Variants in PSMF1 observed in about 807,000 individuals in gnomAD.
PSMF1 encodes proteasome inhibitor subunit 1.
PSMF1 carries 30 observed loss-of-function variants against 29.3 expected under a neutral mutation model. That is an observed-to-expected ratio of 1.02 (90% CI 0.77 to 1.39). The LOEUF is 1.39. PSMF1 is among the 40% of genes most tolerant of loss of function. PSMF1 has a pLI of 0.00. For missense variants in PSMF1, 344 were observed against 357.5 expected (o/e 0.96, Z 0.31); for synonymous variants, 134 against 139.7 (o/e 0.96, Z 0.29).
Position 1,118,861 on chromosome 20 carries a change from G to A in PSMF1, c.88G>A (p.Val30Met), listed in dbSNP as rs1370856273. Reference protein sequence around the residue: ...DALVCFLHWEVVTHGYFGLGV... With the variant: ...DALVCFLHWEMVTHGYFGLGV... ...GCTCGTCTGCTTCTTGCATTGGGAA[G>A]TGGTGACACACGGTTACTTCGGCTT... The change falls in exon 1 of 7, where the codon GTG (valine) becomes ATG (methionine). Residue 30 changes from valine to methionine, a missense_variant. By Grantham distance (21) the Val-to-Met change is conservative (BLOSUM62 1). Transcript: ENST00000335877. 1.2e-6 allele frequency: 2 copies of A among 1,614,116 alleles called. No individual in the cohort carries two copies.
intron 4 of PSMF1, among the ~76,000 whole-genome samples, chr20:1,153,471 A>T (rs539054269): frequency 1.3e-5 from 2 of 152,134 alleles, no homozygotes; most frequent in South Asian, 2.1e-4. Flanking sequence ...CTTCCTCCAC[A>T]ATCCATGTTC....
In PSMF1 at chr20:1,169,762, A is replaced by G. The variant is rs2086771260; in HGVS notation, c.*4682A>G. Among the ~76,000 whole-genome samples, 1 of 152,210 alleles carries G rather than the reference A, an allele frequency of 6.6e-6. No individual in the cohort carries two copies. The highest frequency in any genetic ancestry group is 6.5e-5 in the Admixed American group (1 of 15,286). Reference sequence around the variant, plus strand: ...CTAGCTCATCCAAGTTCAAGGCTCAATTGAATGCGTCTGGTTGTTGGAACC... The same window carrying G: ...CTAGCTCATCCAAGTTCAAGGCTCAGTTGAATGCGTCTGGTTGTTGGAACC... On this transcript the variant is annotated 3_prime_UTR_variant, in exon 7 of 7. Coordinates refer to ENST00000335877, the MANE Select transcript of PSMF1 (RefSeq NM_006814.5).
At chr20:1,121,668 G>A (rs568829797) in intron 1 of PSMF1, among the ~76,000 whole-genome samples, 1 of 152,176 alleles carries the variant, frequency 6.6e-6, no homozygotes, top group African/African-American at 2.4e-5. Flanking sequence ...TCCCAAGAGT[G>A]TATGCTTGAC....
chr20:1,154,917 G>A (rs1369449496), intron 4 of PSMF1, among the ~76,000 whole-genome samples: 1 of 152,218 alleles, frequency 6.6e-6, no homozygotes. Flanking sequence ...TTAGCAGCTG[G>A]GAAGGCAGCC....
intron 3 of PSMF1, among the ~76,000 whole-genome samples, chr20:1,133,569 A>ATATATATATATATTT: frequency 1.9e-4 from 10 of 53,304 alleles, no homozygotes; most frequent in Non-Finnish European, 3.2e-4. Context: ...ATATATATAT[A>ATATATATATATATTT]TTTTTTTTTT....
rs2086219687 is a variant in PSMF1, at chr20:1,130,855, G to A, written c.365+3347G>A. Among the ~76,000 whole-genome samples the A allele has an allele frequency of 2.0e-5, 3 of 152,252 alleles. No homozygotes were observed. The South Asian group carries it at 6.2e-4, about 32-fold the overall frequency. On this transcript the variant is annotated intron_variant, in intron 3 of 6. Transcript: ENST00000335877. ...ATGAGGTCTTTGCTGTGTTGCCCTG[G>A]ATCAAAACATCATTTTTTAAGCATT...
chr20:1,135,489 T>C (rs536285431), intron 4 of PSMF1, among the ~76,000 whole-genome samples, 183 bp downstream of exon 4: 6 of 152,334 alleles, frequency 3.9e-5, no homozygotes, highest in Non-Finnish European at 8.8e-5. Context: ...CTTGAACTGC[T>C]ACTAGTCACC....
chr20:1,133,138 A>G (rs1600148686), intron 3 of PSMF1, among the ~76,000 whole-genome samples: 1 of 151,378 alleles, frequency 6.6e-6, no homozygotes, highest in Middle Eastern at 3.5e-3. Flanking sequence ...GAGTGATGAG[A>G]AAGAATATGC....
intron 4 of PSMF1, among the ~76,000 whole-genome samples, chr20:1,158,235 T>C (rs1204241073): frequency 4.6e-5 from 7 of 152,104 alleles, no homozygotes; most frequent in Admixed American, 4.6e-4. Flanking sequence ...ACTAAACAAA[T>C]TGTAGCACAG....
At chr20:1,158,267 T>C (rs967863525) in intron 4 of PSMF1, among the ~76,000 whole-genome samples, 1 of 152,170 alleles carries the variant, frequency 6.6e-6, no homozygotes, top group African/African-American at 2.4e-5. Flanking sequence ...AAGCAAACTC[T>C]CAGTAAATCG....
chr20:1,164,239 T>C lies in PSMF1; in HGVS notation c.606-79T>C. On this transcript the variant is annotated intron_variant, in intron 5 of 6. Coordinates refer to ENST00000335877, the MANE Select transcript of PSMF1 (RefSeq NM_006814.5). This position sits in a 1 kb window ranked among gnomAD's most constrained non-coding sequence, Gnocchi z 4.1. ...GAGTAGACATCCCAGCCATTCTTGGTGCATTGTAACCTCCCTCGCCTTTTC... is the reference window on the plus strand; with the variant it reads ...GAGTAGACATCCCAGCCATTCTTGGCGCATTGTAACCTCCCTCGCCTTTTC... The C allele has an allele frequency of 7.1e-7, 1 of 1,400,656 alleles. No individual in the cohort carries two copies. The highest frequency in any genetic ancestry group is 1.0e-6 in the Non-Finnish European group (1 of 990,906). The allele number at this position is 1,400,656 out of a possible 1,614,324, so 86.8% of individuals were successfully genotyped here. A position where few individuals can be genotyped will look rare whatever the true frequency, so the allele number is the denominator to read the frequency against.
chr20:1,115,206 G>A (rs558310132), upstream of PSMF1, among the ~76,000 whole-genome samples: 70 of 127,938 alleles, frequency 5.5e-4, no homozygotes, highest in African/African-American at 1.8e-3. Flanking sequence ...ACGGGGTGGG[G>A]GTGACGGAGC....
chr20:1,132,769 G>A (rs1258737727), intron 3 of PSMF1, among the ~76,000 whole-genome samples: 1 of 151,992 alleles, frequency 6.6e-6, no homozygotes, highest in Non-Finnish European at 1.5e-5. Context: ...AGTATCATTT[G>A]TAATTTTCAA....
chr20:1,148,379 T>A (rs1236503694), intron 4 of PSMF1, among the ~76,000 whole-genome samples: 3 of 152,242 alleles, frequency 2.0e-5, no homozygotes, highest in African/African-American at 7.2e-5. Flanking sequence ...TTCCTTTTGC[T>A]TCATCTGTCC....
At chr20:1,119,048 G>T (rs974238801) in intron 1 of PSMF1, 146 bp downstream of exon 1, 8 of 1,168,910 alleles carry the variant, frequency 6.8e-6, no homozygotes, top group Admixed American at 2.6e-5. Flanking sequence ...AAAACCTGCG[G>T]GTCGGAGGTT....
intron 4 of PSMF1, among the ~76,000 whole-genome samples, chr20:1,154,363 T>A (rs1476692591): frequency 6.6e-6 from 1 of 152,212 alleles, no homozygotes; most frequent in Non-Finnish European, 1.5e-5. Flanking sequence ...CCCTTCTCAG[T>A]CCCTGGTTCA....
upstream of PSMF1, among the ~76,000 whole-genome samples, chr20:1,114,237 C>A (rs1194636078): frequency 4.6e-5 from 7 of 152,178 alleles, no homozygotes; most frequent in Non-Finnish European, 1.0e-4. Flanking sequence ...CCAGAGTTCC[C>A]GGGTAGGAGT....
At chr20:1,161,731 A>G (rs2086669504) in intron 4 of PSMF1, 2 of 555,494 alleles carry the variant, frequency 3.6e-6, no homozygotes, top group Non-Finnish European at 6.8e-6. Flanking sequence ...CATTTGCTGC[A>G]TAGGATAATT....
At chr20:1,113,304 T>TA (rs1199175642) in exon 1 of PSMF1, 1 of 152,236 alleles carries the variant, frequency 6.6e-6, no homozygotes, top group Non-Finnish European at 1.5e-5. Context: ...ACCTCTGGCA[T>TA]AGGCTCTTGG....
Sources: allele counts gnomAD v4.1 joint callset (sites outside exome capture counted in the v4.1 genomes callset), GRCh38; gene constraint gnomAD v4.1.1; non-coding constraint Gnocchi (gnomAD v3.1); transcripts MANE v1.5; gene names NCBI Gene and HGNC (gene_info 2026-07-23, HGNC 2026-07-21).